Variants in FAM81A observed in about 807,000 individuals in gnomAD.
FAM81A encodes protein FAM81A.
In FAM81A, 19 loss-of-function variants were observed where a neutral mutation model predicts 46.7. The ratio of observed to expected loss-of-function variants is 0.41; its 90% confidence interval spans 0.28 to 0.60. The LOEUF is 0.60. FAM81A is among the 20% of genes least tolerant of loss of function. The probability of loss-of-function intolerance (pLI) is 0.34; values close to 1 mark genes in which losing one functional copy is unlikely to be tolerated. For missense variants in FAM81A, 377 were observed against 453.5 expected (o/e 0.83, Z 1.53); for synonymous variants, 183 against 152.9 (o/e 1.20, Z -1.45).
At chr15:59,436,878 T>G (rs1049088546), upstream of FAM81A, among the ~76,000 whole-genome samples, 1 of 152,216 alleles carries the variant, frequency 6.6e-6, no homozygotes, top group Non-Finnish European at 1.5e-5. Flanking sequence ...AACATGTGTC[T>G]GTGATTATTT....
In FAM81A at chr15:59,521,459, G is replaced by A; in HGVS notation, c.*81G>A. The A allele has an allele frequency of 6.7e-7, 1 of 1,489,070 alleles. No individual in the cohort carries two copies. The highest frequency in any genetic ancestry group is 1.4e-5 in the African/African-American group (1 of 71,136). The allele number at this position is 1,489,070 out of a possible 1,614,324, so 92.2% of individuals were successfully genotyped here. A position where few individuals can be genotyped will look rare whatever the true frequency, so the allele number is the denominator to read the frequency against. Reference sequence around the variant, plus strand: ...ATACCTCTGTAGCCAGGCCATCGCTGCATTCAGGATTGTTCCATCCATGGC... The same window carrying A: ...ATACCTCTGTAGCCAGGCCATCGCTACATTCAGGATTGTTCCATCCATGGC... On this transcript the variant is annotated 3_prime_UTR_variant, in exon 9 of 9. Coordinates refer to ENST00000288228, the MANE Select transcript of FAM81A (RefSeq NM_152450.3).
At chr15:59,478,247 T>C (rs750499746) in intron 3 of FAM81A, among the ~76,000 whole-genome samples, 9 of 152,220 alleles carry the variant, frequency 5.9e-5, no homozygotes, top group Admixed American at 2.0e-4. Context: ...TCCCATGTGC[T>C]CAACTTCATG....
intron 2 of FAM81A, among the ~76,000 whole-genome samples, chr15:59,420,368 T>C (rs2081166505): frequency 6.6e-6 from 1 of 152,236 alleles, no homozygotes; most frequent in South Asian, 2.1e-4. Context: ...TTGTTCTTCC[T>C]GTTGCAGTGA....
chr15:59,470,148 CT>C (rs2081666875), intron 3 of FAM81A, among the ~76,000 whole-genome samples: 2 of 152,226 alleles, frequency 1.3e-5, no homozygotes, highest in South Asian at 4.1e-4. Flanking sequence ...ACACTTTTTC[CT>C]TCATTTCAAC....
intron 2 of FAM81A, among the ~76,000 whole-genome samples, chr15:59,430,099 G>A (rs141955392): frequency 7.2e-5 from 11 of 152,264 alleles, no homozygotes; most frequent in Admixed American, 2.6e-4. Context: ...TCTGGTGGTG[G>A]TGATCACGGA....
At chr15:59,469,771 G>C (rs1301022086) in intron 3 of FAM81A, among the ~76,000 whole-genome samples, 5 of 152,104 alleles carry the variant, frequency 3.3e-5, no homozygotes, top group African/African-American at 9.7e-5. Flanking sequence ...ATGTTCACTG[G>C]TTATTTTGCC....
At chr15:59,455,718 A>C (rs1189334836) in intron 1 of FAM81A, among the ~76,000 whole-genome samples, 1 of 152,198 alleles carries the variant, frequency 6.6e-6, no homozygotes, top group Admixed American at 6.5e-5. Flanking sequence ...TTTGCTTCTG[A>C]AAAGCCATCT....
In FAM81A at chr15:59,460,940, A is replaced by C. The variant is rs544787232; in HGVS notation, c.294+734A>C. 2.3e-4 allele frequency among the ~76,000 whole-genome samples: 35 copies of C among 152,350 alleles called. No individual in the cohort carries two copies. Among genetic ancestry groups the C allele is most frequent in the African/African-American group, 8.2e-4 (34 of 41,588 alleles). On this transcript the variant is annotated intron_variant, in intron 3 of 8. Transcript: ENST00000288228. This position sits in a 1 kb window ranked among gnomAD's most constrained non-coding sequence, Gnocchi z 4.4. The stretch of plus-strand genomic sequence containing the variant: ...CTTCCTGTGATGGAGATTATATCTG[A>C]ATTATGCTTCCTAAAATTAAACCTC...
At chr15:59,444,422 C>T (rs1596475043) in intron 1 of FAM81A, 1 of 152,020 alleles carries the variant, frequency 6.6e-6, no homozygotes, top group Non-Finnish European at 1.5e-5. Flanking sequence ...ATCTTAACGT[C>T]GTGTGTATGT....
At chr15:59,450,144 C>T (rs2081401988) in intron 1 of FAM81A, among the ~76,000 whole-genome samples, 1 of 142,988 alleles carries the variant, frequency 7.0e-6, no homozygotes, top group South Asian at 2.2e-4. Context: ...TGCCATGTTG[C>T]CCAGGCCCAG....
chr15:59,516,558 T>G (rs1161636050), intron 7 of FAM81A, 87 bp from the exon 8 acceptor site: 1 of 1,334,482 alleles, frequency 7.5e-7, no homozygotes, highest in African/African-American at 1.5e-5. Flanking sequence ...TCTTGCAGAT[T>G]GTTGTTAAAC....
At chr15:59,405,540 C>T (rs76954110) in intron 2 of FAM81A, among the ~76,000 whole-genome samples, 2 of 151,996 alleles carry the variant, frequency 1.3e-5, no homozygotes, top group African/African-American at 4.8e-5. Context: ...ACTTGGGAGG[C>T]TGATGGGGGA....
chr15:59,510,777 CAAAAAAA>C (rs71119479), intron 6 of FAM81A, among the ~76,000 whole-genome samples: 245 of 25,758 alleles, frequency 9.5e-3, no homozygotes, highest in African/African-American at 0.037. Context: ...GACCCTGTCT[CAAAAAAA>C]AAAAAAAAAA....
intron 5 of FAM81A, 129 bp downstream of exon 5, chr15:59,507,471 C>T: frequency 1.6e-6 from 2 of 1,260,270 alleles, no homozygotes; most frequent in Non-Finnish European, 2.2e-6. Context: ...CAATCATAAG[C>T]ATCTTTTCTT....
At chr15:59,440,645 T>C (rs1479591424) in intron 1 of FAM81A, among the ~76,000 whole-genome samples, 1 of 152,216 alleles carries the variant, frequency 6.6e-6, no homozygotes, top group African/African-American at 2.4e-5. Context: ...CTTTGAGATC[T>C]TGAACTCGGA....
chr15:59,406,086 C>T (rs1183993760), intron 2 of FAM81A, among the ~76,000 whole-genome samples: 2 of 152,126 alleles, frequency 1.3e-5, no homozygotes, highest in East Asian at 3.8e-4. Flanking sequence ...AAATGTGAAA[C>T]CACTGGGCAC....
chr15:59,490,447 A>T (rs1307246622), intron 3 of FAM81A, among the ~76,000 whole-genome samples: 1 of 152,246 alleles, frequency 6.6e-6, no homozygotes, highest in South Asian at 2.1e-4. Flanking sequence ...CTGAATACAC[A>T]TTTCTCAAAA....
rs2082157351 is a variant in FAM81A at position 59,507,116 on chromosome 15, T to C, written c.414-97T>C. 4 of 1,450,010 alleles carry C rather than the reference T, an allele frequency of 2.8e-6. No individual in the cohort carries two copies. In the South Asian group the frequency reaches 4.1e-5, roughly 15 times the overall value. 89.8% of individuals were successfully genotyped at this position (1,450,010 alleles called of 1,614,324 possible). ...CAAAAGAATGATGGATAGTGCACTTTCTTTGAGTGGGTTTTGCATTTCAGA... is the reference window on the plus strand; with the variant it reads ...CAAAAGAATGATGGATAGTGCACTTCCTTTGAGTGGGTTTTGCATTTCAGA... On this transcript the variant is annotated intron_variant, in intron 4 of 8. Transcript: ENST00000288228.
At chr15:59,471,187 C>A (rs1303283814) in intron 3 of FAM81A, among the ~76,000 whole-genome samples, 1 of 152,164 alleles carries the variant, frequency 6.6e-6, no homozygotes, top group Admixed American at 6.6e-5. Context: ...TGTATTCTTA[C>A]TGATTTTCTT....
Sources: gnomAD v4.1 joint callset for allele counts (sites outside exome capture counted in the v4.1 genomes callset) on GRCh38, gnomAD v4.1.1 for gene constraint, Gnocchi (gnomAD v3.1) non-coding constraint, MANE v1.5 for transcripts, NCBI Gene and HGNC (gene_info 2026-07-23, HGNC 2026-07-21) for gene names.